RRN3: variants seen among roughly 807,000 people sequenced by gnomAD.
The protein encoded by RRN3 is RNA polymerase I-specific transcription initiation factor RRN3.
Under a neutral mutation model 82.3 loss-of-function variants are expected in RRN3, and 38 were observed. The observed-to-expected ratio is 0.46, with a 90% CI of 0.36 to 0.61. The LOEUF (loss-of-function observed/expected upper bound fraction) is 0.61. Ranked by LOEUF, RRN3 falls within the 20% of genes least tolerant of loss-of-function variation. The probability of loss-of-function intolerance (pLI) is 0.00; values close to 1 mark genes in which losing one functional copy is unlikely to be tolerated. For missense variants in RRN3, 726 were observed against 793.1 expected (o/e 0.92, Z 1.02); for synonymous variants, 284 against 284.3 (o/e 1.00, Z 0.01).
chr16:15,071,404 A>G (rs777077174), intron 12 of RRN3, among the ~76,000 whole-genome samples, 153 bp from the exon 13 acceptor site: 1 of 152,228 alleles, frequency 6.6e-6, no homozygotes, highest in African/African-American at 2.4e-5. Context: ...CATTGAGAGA[A>G]TATCATTAAA....
intron 7 of RRN3, 113 bp from the exon 8 acceptor site, chr16:15,083,695 A>G: frequency 1.4e-6 from 2 of 1,452,964 alleles, no homozygotes; most frequent in South Asian, 2.5e-5. Flanking sequence ...GGCAAACAGG[A>G]ACCCCTACCT....
chr16:15,072,213 G>C (rs1435979993), intron 12 of RRN3, among the ~76,000 whole-genome samples: 1 of 137,222 alleles, frequency 7.3e-6, no homozygotes, highest in Non-Finnish European at 1.5e-5. Flanking sequence ...TCGTTGCAGA[G>C]AAGGAAAAGC....
At chr16:15,066,964 C>T (rs991890722) in intron 15 of RRN3, among the ~76,000 whole-genome samples, 5 of 151,864 alleles carry the variant, frequency 3.3e-5, no homozygotes, top group South Asian at 4.2e-4. Context: ...CCTCTGTCCC[C>T]ACCCCGAGAA....
In RRN3 at chr16:15,065,308, G is replaced by A. The variant is rs771100252; in HGVS notation, c.1617C>T (p.Val539=). The A allele has an allele frequency of 3.7e-6, 6 of 1,613,618 alleles. No individual in the cohort carries two copies. The highest frequency in any genetic ancestry group is 2.7e-5 in the African/African-American group (2 of 74,888). ...IERNNRQMLP[V]IRSTAGGDSV... is the part of the protein sequence containing the mutation. ...AGTCTCCTCCAGCGGTACTCCTAAT[G>A]ACTGGCAGCATCTGGCGATTGTTCC... Residue 539 remains valine, a synonymous_variant, in exon 16 of 18, where the codon GTC becomes GTT. Transcript: ENST00000198767.
chr16:15,086,027 A>C, intron 5 of RRN3, 102 bp downstream of exon 5: 1 of 906,574 alleles, frequency 1.1e-6, no homozygotes, highest in Non-Finnish European at 1.7e-6. Flanking sequence ...GCCAATATGC[A>C]TCTGGAATCT....
intron 7 of RRN3, among the ~76,000 whole-genome samples, chr16:15,084,195 A>C (rs535404025): frequency 6.6e-6 from 1 of 152,358 alleles, no homozygotes; most frequent in African/African-American, 2.4e-5. Flanking sequence ...AAAAGAAGAA[A>C]AAATCATCAA....
chr16:15,074,603 C>A, intron 11 of RRN3, 120 bp downstream of exon 11: 2 of 694,402 alleles, frequency 2.9e-6, no homozygotes, highest in East Asian at 3.0e-5. Flanking sequence ...ATCTTAAACT[C>A]ATACTCAATA....
Position 15,060,295 on chromosome 16 carries a change from C to A in RRN3, c.*1449G>T. The A allele has an allele frequency of 3.9e-6, 1 of 254,040 alleles. No homozygotes were observed. Among genetic ancestry groups the A allele is most frequent in the Non-Finnish European group, 8.1e-6 (1 of 123,818 alleles). 15.7% of individuals were successfully genotyped at this position (254,040 alleles called of 1,614,324 possible). ...CAGTTAAAAAGACAACCTTAAAGTT[C>A]TCAAATTACTTTCCACCAAACCCGG... is the stretch of plus-strand genomic sequence containing the variant. On this transcript the variant is annotated 3_prime_UTR_variant, in exon 18 of 18. Coordinates refer to ENST00000198767, the MANE Select transcript of RRN3 (RefSeq NM_018427.5).
rs1216575636 is a variant in RRN3 at position 15,086,227 on chromosome 16, A to G, written c.374T>C (p.Val125Ala). The G allele has an allele frequency of 1.9e-6, 3 of 1,582,542 alleles. No homozygotes were observed. Among genetic ancestry groups the G allele is most frequent in the Non-Finnish European group, 2.6e-6 (3 of 1,156,222 alleles). ...RLPWLNRSQT[V>A]VEEYLAFLGN... is the part of the protein sequence containing the mutation. The stretch of plus-strand genomic sequence containing the variant: ...AAGAAAAGCCAAATACTCTTCCACT[A>G]CTGTTTGACTTCTATTCAACCAAGG... Residue 125 changes from valine to alanine, a missense_variant, in exon 5 of 18, where the codon GTA becomes GCA. Transcript: ENST00000198767.
At chr16:15,069,007 A>G (rs922246834) in intron 14 of RRN3, among the ~76,000 whole-genome samples, 3 of 152,214 alleles carry the variant, frequency 2.0e-5, no homozygotes, top group Non-Finnish European at 2.9e-5. Context: ...TAATTTATAC[A>G]AAGAAAAGCA....
chr16:15,075,200 C>T (rs754721197), intron 10 of RRN3, among the ~76,000 whole-genome samples: 1 of 148,828 alleles, frequency 6.7e-6, no homozygotes, highest in South Asian at 2.1e-4. Flanking sequence ...TACAGTGAGC[C>T]GAGTTCGTGT....
At chr16:15,074,926 A>T (rs2045387738) in intron 10 of RRN3, 65 bp from the exon 11 acceptor site, 1 of 1,467,908 alleles carries the variant, frequency 6.8e-7, no homozygotes, top group African/African-American at 1.4e-5. Context: ...TAGTAGGAAA[A>T]CTGTCATAAG....
intron 11 of RRN3, among the ~76,000 whole-genome samples, chr16:15,074,153 A>G (rs2045353347): frequency 1.3e-5 from 2 of 152,170 alleles, no homozygotes; most frequent in Admixed American, 6.5e-5. Context: ...TCTAATCAAC[A>G]TGTATTATTT....
chr16:15,091,417 T>C (rs1436177714), intron 2 of RRN3, 46 bp from the exon 3 acceptor site: 2 of 1,390,282 alleles, frequency 1.4e-6, no homozygotes, highest in Non-Finnish European at 2.0e-6. Flanking sequence ...TGTTTCCTGT[T>C]TAGTATCAAC....
chr16:15,089,880 G>C (rs1181235466), intron 3 of RRN3, among the ~76,000 whole-genome samples: 3 of 150,550 alleles, frequency 2.0e-5, no homozygotes, highest in Non-Finnish European at 4.4e-5. Flanking sequence ...GGCCAACAGT[G>C]TCGGCTGATA....
chr16:15,069,299 G>A (rs924417321), intron 14 of RRN3, among the ~76,000 whole-genome samples: 6 of 152,238 alleles, frequency 3.9e-5, no homozygotes, highest in South Asian at 2.1e-4. Context: ...GACAGCCCCC[G>A]ACGATGAAGG....
At chr16:15,089,810 A>AAAAAG (rs2046058145) in intron 3 of RRN3, among the ~76,000 whole-genome samples, 1 of 141,114 alleles carries the variant, frequency 7.1e-6, no homozygotes, top group Non-Finnish European at 1.6e-5. Flanking sequence ...AAAAAAAAAA[A>AAAAAG]ACAGATTAAA....
intron 9 of RRN3, among the ~76,000 whole-genome samples, chr16:15,077,838 T>TCAAA (rs964481606): frequency 6.6e-6 from 1 of 152,160 alleles, no homozygotes; most frequent in South Asian, 2.1e-4. Context: ...AGACACCATC[T>TCAAA]CAAACAAACA....
At chr16:15,075,217 G>A (rs890800939) in intron 10 of RRN3, among the ~76,000 whole-genome samples, 1 of 148,268 alleles carries the variant, frequency 6.7e-6, no homozygotes, top group African/African-American at 2.5e-5. Flanking sequence ...GTGTGCTCCA[G>A]CCTGGGCAAC....
Sources: allele counts gnomAD v4.1 joint callset (sites outside exome capture counted in the v4.1 genomes callset), GRCh38; gene constraint gnomAD v4.1.1; transcripts MANE v1.5; gene names NCBI Gene and HGNC (gene_info 2026-07-23, HGNC 2026-07-21).